ABCC1: variants seen among roughly 807,000 people sequenced by gnomAD.
ABCC1 encodes the protein multidrug resistance-associated protein 1.
ABCC1 carries 83 observed loss-of-function variants against 172.9 expected under a neutral mutation model. That is an observed-to-expected ratio of 0.48 (90% confidence interval 0.40 to 0.58). ABCC1 has a LOEUF of 0.58. ABCC1 is among the 20% of genes least tolerant of loss of function. ABCC1 has a pLI of 0.00. For synonymous variants in ABCC1, 937 were observed against 825.2 expected (o/e 1.14, Z -2.32); for missense variants, 1,817 against 2,002.7 (o/e 0.91, Z 1.77).
chr16:16,053,016 C>G (rs377412505), intron 11 of ABCC1, among the ~76,000 whole-genome samples, 200 bp downstream of exon 11: 1 of 152,128 alleles, frequency 6.6e-6, no homozygotes, highest in Admixed American at 6.6e-5. Flanking sequence ...TGGGTGGGGT[C>G]TGGACATCAA....
rs2045818708 is a variant in ABCC1, at chr16:15,949,708, C to G, written c.-44C>G. ...CGCCGCCCGCGCCAGCAACCGGGCCCGATCACCCGCCGCCCGGTGCCCGCC... is the reference window on the plus strand; with the variant it reads ...CGCCGCCCGCGCCAGCAACCGGGCCGGATCACCCGCCGCCCGGTGCCCGCC... On this transcript the variant is annotated 5_prime_UTR_variant, in exon 1 of 31. Transcript: ENST00000399410. 1 of 1,094,400 alleles carries G rather than the reference C, an allele frequency of 9.1e-7. No individual in the cohort carries two copies. Among genetic ancestry groups the G allele is most frequent in the Non-Finnish European group, 1.1e-6 (1 of 898,980 alleles). 67.8% of individuals were successfully genotyped at this position (1,094,400 alleles called of 1,614,324 possible). A position where few individuals can be genotyped will look rare whatever the true frequency, so the allele number is the denominator to read the frequency against.
At chr16:16,012,713 A>C (rs1597116066) in intron 3 of ABCC1, among the ~76,000 whole-genome samples, 1 of 125,058 alleles carries the variant, frequency 8.0e-6, no homozygotes, top group Non-Finnish European at 1.7e-5. Flanking sequence ...TTTGAGGCAG[A>C]GTTTCGCTCT....
chr16:16,069,502 C>T (rs1038334976), intron 13 of ABCC1, among the ~76,000 whole-genome samples: 6 of 152,064 alleles, frequency 3.9e-5, no homozygotes, highest in Non-Finnish European at 8.8e-5. Context: ...CTGGAAGCTC[C>T]TGTCACTTTT....
In ABCC1 at chr16:16,134,487, C is replaced by G. The variant is rs376860266; in HGVS notation, c.4104C>G (p.Phe1368Leu). ...AGATCGGCCTGCACGACCTCCGCTT[C>G]AAGATCACCATCATCCCCCAGGTGG... ...IAKIGLHDLR[F>L]KITIIPQDPV... Residue 1368 changes from phenylalanine to leucine, a missense_variant, in exon 28 of 31, where the codon TTC (phenylalanine) becomes TTG (leucine). Around this residue, in one of 3 missense-constraint regions of ABCC1, gnomAD observed 1,412 missense variants for 1,600.3 expected, o/e 0.88. Coordinates refer to ENST00000399410, the MANE Select transcript of ABCC1 (RefSeq NM_004996.4). 18 of 1,614,058 alleles carry G rather than the reference C, an allele frequency of 1.1e-5. No homozygotes were observed. Among genetic ancestry groups the G allele is most frequent in the Non-Finnish European group, 1.5e-5 (18 of 1,180,038 alleles).
rs570053994 is a variant in ABCC1, at chr16:16,138,374, C to T, written c.4303C>T (p.Arg1435Cys). 13 of 1,588,102 alleles carry T rather than the reference C, an allele frequency of 8.2e-6. No individual in the cohort carries two copies. The highest frequency in any genetic ancestry group is 3.4e-5 in the Admixed American group (2 of 59,198). The change falls in exon 30 of 31, where the codon CGC becomes TGC. Residue 1435 changes from arginine (R) to cysteine (C), a missense_variant. Physicochemically the swap from Arg to Cys is radical, Grantham distance 180 (BLOSUM62 -3). Coordinates refer to ENST00000399410, the MANE Select transcript of ABCC1 (RefSeq NM_004996.4). ...EGGENLSVGQ[R>C]QLVCLARALL... is the part of the protein sequence containing the mutation. ...TTTCTTCCGGTCAAGTGTCGGGCAG[C>T]GCCAGCTTGTGTGCCTAGCCCGGGC...
At chr16:16,039,563 C>A (rs2048895533) in intron 7 of ABCC1, among the ~76,000 whole-genome samples, 1 of 152,016 alleles carries the variant, frequency 6.6e-6, no homozygotes, top group African/African-American at 2.4e-5. Context: ...GCTACTGTGT[C>A]CGGCTGAGAG....
At chr16:16,081,794 T>C (rs1489270435) in intron 16 of ABCC1, among the ~76,000 whole-genome samples, 2 of 151,950 alleles carry the variant, frequency 1.3e-5, no homozygotes, top group Non-Finnish European at 2.9e-5. Flanking sequence ...CTGAGGCAGG[T>C]TGATCACCTG....
At chr16:16,065,760 T>C (rs1334189373) in intron 12 of ABCC1, among the ~76,000 whole-genome samples, 1 of 152,178 alleles carries the variant, frequency 6.6e-6, no homozygotes, top group Non-Finnish European at 1.5e-5. Context: ...AAAAATTTTG[T>C]AGAGACACAG....
At chr16:16,126,344 GA>G (rs1484756150) in intron 26 of ABCC1, among the ~76,000 whole-genome samples, 10 of 152,110 alleles carry the variant, frequency 6.6e-5, no homozygotes, top group Non-Finnish European at 1.3e-4. Flanking sequence ...CAACAGGACG[GA>G]TTCTGTCTAT....
chr16:16,076,724 G>C (rs1409601769), intron 15 of ABCC1, among the ~76,000 whole-genome samples: 1 of 152,118 alleles, frequency 6.6e-6, no homozygotes, highest in African/African-American at 2.4e-5. Flanking sequence ...TGTGATCCAG[G>C]GACTCTGCCG....
chr16:15,999,809 C>CCCCTCT (rs1555478344), intron 1 of ABCC1, among the ~76,000 whole-genome samples: 1 of 8,376 alleles, frequency 1.2e-4, no homozygotes, highest in East Asian at 2.6e-3. Flanking sequence ...CTCTCTCTCT[C>CCCCTCT]CTCTCTCTCT....
At chr16:16,073,661 G>A (rs921656627) in intron 14 of ABCC1, among the ~76,000 whole-genome samples, 4 of 152,166 alleles carry the variant, frequency 2.6e-5, no homozygotes, top group East Asian at 1.9e-4. Flanking sequence ...AGAGGCTGAG[G>A]CAGGAGGATT....
chr16:16,005,300 A>G (rs550683585), intron 1 of ABCC1, among the ~76,000 whole-genome samples: 1 of 150,962 alleles, frequency 6.6e-6, no homozygotes, highest in South Asian at 2.1e-4. Flanking sequence ...CCCAGCTCCT[A>G]CTGATGGTCA....
At chr16:16,121,852 G>A (rs900965342) in intron 23 of ABCC1, 123 bp from the exon 24 acceptor site, 7 of 983,224 alleles carry the variant, frequency 7.1e-6, no homozygotes, top group South Asian at 4.8e-5. Context: ...AGGGCAGCCC[G>A]GCTCTAACAT....
intron 22 of ABCC1, among the ~76,000 whole-genome samples, chr16:16,112,303 A>G (rs939740517): frequency 9.2e-5 from 14 of 152,038 alleles, no homozygotes; most frequent in African/African-American, 3.4e-4. Flanking sequence ...TTGAGCCTAC[A>G]GTTAGACCTA....
chr16:15,984,829 A>G (rs886812239), intron 1 of ABCC1, among the ~76,000 whole-genome samples: 9 of 152,310 alleles, frequency 5.9e-5, no homozygotes, highest in Admixed American at 5.2e-4. Context: ...GGCCAGGTGC[A>G]GTGTGGGTCA....
In ABCC1 at chr16:16,034,449, C is replaced by T. The variant is rs540466293; in HGVS notation, c.677+1279C>T. On this transcript the variant is annotated intron_variant, in intron 6 of 30. Transcript: ENST00000399410. ...GTAATTTGTTCATGACTACAGGACC[C>T]CGGATGCATGCTAATAACATTCATT... Among the ~76,000 whole-genome samples, 6 of 152,246 alleles carry T rather than the reference C, an allele frequency of 3.9e-5. No individual in the cohort carries two copies. The South Asian group carries it at 1.0e-3, about 26-fold the overall frequency.
intron 5 of ABCC1, among the ~76,000 whole-genome samples, chr16:16,025,290 G>GTCA (rs2048333537): frequency 6.6e-6 from 1 of 152,176 alleles, no homozygotes; most frequent in Non-Finnish European, 1.5e-5. Flanking sequence ...GACAGATGAA[G>GTCA]ACACTGAGGG....
rs1567367837 is a variant in ABCC1, at chr16:16,068,321, G to T, written c.1824+19G>T. ...CGTGCAGGTACAGGGGGAAGCTGGG[G>T]CGACTTCCGAGAGGGGGCCTTGGGG... On this transcript the variant is annotated intron_variant, in intron 13 of 30. Transcript: ENST00000399410. 1 of 1,612,714 alleles carries T rather than the reference G, an allele frequency of 6.2e-7. No homozygotes were observed. Among genetic ancestry groups the T allele is most frequent in the Non-Finnish European group, 8.5e-7 (1 of 1,179,482 alleles).
Sources: allele counts gnomAD v4.1 joint callset (sites outside exome capture counted in the v4.1 genomes callset), GRCh38; gene constraint gnomAD v4.1.1; regional missense constraint gnomAD v4.1.1; transcripts MANE v1.5; gene names NCBI Gene and HGNC (gene_info 2026-07-23, HGNC 2026-07-21).